Variants in RBMS3 observed in about 807,000 individuals in gnomAD.
RBMS3 encodes the protein RNA-binding motif, single-stranded-interacting protein 3.
A neutral mutation model predicts 66.8 loss-of-function variants in RBMS3; 27 were observed. The ratio of observed to expected loss-of-function variants is 0.40; its 90% CI spans 0.30 to 0.56. RBMS3 has a LOEUF of 0.56. Ranked by LOEUF, RBMS3 falls within the 20% of genes least tolerant of loss-of-function variation. The pLI is 0.40. For synonymous variants in RBMS3, 188 were observed against 183.0 expected (o/e 1.03, Z -0.22); for missense variants, 513 against 549.5 (o/e 0.93, Z 0.66).
chr3:29,683,370 T>C (rs1210472463), intron 4 of RBMS3, among the ~76,000 whole-genome samples: 12 of 152,188 alleles, frequency 7.9e-5, no homozygotes, highest in Admixed American at 7.2e-4. Context: ...AGTGTGAGTT[T>C]ATTTCACATA....
intron 10 of RBMS3, among the ~76,000 whole-genome samples, chr3:29,911,215 G>T (rs2060505009): frequency 6.6e-6 from 1 of 151,988 alleles, no homozygotes; most frequent in African/African-American, 2.4e-5. Flanking sequence ...AGGCAGGAAG[G>T]GTGCTCTGAG....
intron 3 of RBMS3, among the ~76,000 whole-genome samples, chr3:29,521,826 T>C (rs2044870590): frequency 6.6e-6 from 1 of 152,164 alleles, no homozygotes; most frequent in Admixed American, 6.5e-5. Context: ...ATAATTTGAA[T>C]CCAGAAAGCC....
At chr3:29,431,954 C>T (rs1224027046) in intron 1 of RBMS3, among the ~76,000 whole-genome samples, 2 of 151,960 alleles carry the variant, frequency 1.3e-5, no homozygotes, top group Admixed American at 6.6e-5. Flanking sequence ...TCTCGAGCTC[C>T]TGGGCTCAAG....
chr3:29,545,648 CCT>C (rs567272048), intron 3 of RBMS3, among the ~76,000 whole-genome samples: 108 of 152,282 alleles, frequency 7.1e-4, no homozygotes, highest in African/African-American at 2.5e-3. Flanking sequence ...AATTTAGGCT[CCT>C]CTCAGTTTGT....
At chr3:29,396,183 A>G (rs950950981) in intron 1 of RBMS3, among the ~76,000 whole-genome samples, 1 of 152,026 alleles carries the variant, frequency 6.6e-6, no homozygotes, top group Non-Finnish European at 1.5e-5. Context: ...AACATAACTT[A>G]TGTATGTTCC....
chr3:29,786,572 A>G (rs1428508040), intron 6 of RBMS3, among the ~76,000 whole-genome samples: 1 of 152,128 alleles, frequency 6.6e-6, no homozygotes, highest in Non-Finnish European at 1.5e-5. Flanking sequence ...TCAACAAAGC[A>G]ATGAAAACAT....
chr3:29,472,533 T>G (rs1575923395), intron 2 of RBMS3, among the ~76,000 whole-genome samples: 2 of 152,090 alleles, frequency 1.3e-5, no homozygotes, highest in East Asian at 3.9e-4. Context: ...TCGCTGTGAG[T>G]GTTACAACTC....
intron 3 of RBMS3, among the ~76,000 whole-genome samples, chr3:29,506,583 C>T (rs890687798): frequency 6.6e-6 from 1 of 151,982 alleles, no homozygotes; most frequent in Non-Finnish European, 1.5e-5. Flanking sequence ...CAGGAAAATG[C>T]TGGCCCTATA....
intron 3 of RBMS3, among the ~76,000 whole-genome samples, chr3:29,580,171 C>A (rs2047274987): frequency 6.6e-6 from 1 of 152,132 alleles, no homozygotes; most frequent in South Asian, 2.1e-4. Context: ...GGACCTATTC[C>A]TTTTCCCCAG....
intron 4 of RBMS3, among the ~76,000 whole-genome samples, chr3:29,723,907 T>C (rs2053748203): frequency 6.6e-6 from 1 of 152,144 alleles, no homozygotes; most frequent in Non-Finnish European, 1.5e-5. Context: ...TAGCATTTAT[T>C]TTATACTGTA....
chr3:29,849,161 A>C (rs1380034925), intron 6 of RBMS3, among the ~76,000 whole-genome samples: 2 of 137,644 alleles, frequency 1.5e-5, no homozygotes, highest in African/African-American at 5.6e-5. Flanking sequence ...CTCCCCCTCC[A>C]CCAAAGGAAT....
At chr3:29,630,999 A>C (rs1021936793) in intron 4 of RBMS3, among the ~76,000 whole-genome samples, 1 of 152,090 alleles carries the variant, frequency 6.6e-6, no homozygotes, top group East Asian at 1.9e-4. Flanking sequence ...ATTATTGGGC[A>C]GTAGAAAAAT....
intron 4 of RBMS3, among the ~76,000 whole-genome samples, chr3:29,676,677 C>A (rs938067081): frequency 6.6e-6 from 1 of 152,046 alleles, no homozygotes; most frequent in Non-Finnish European, 1.5e-5. Flanking sequence ...TCACAGTTTT[C>A]TAGATTTTGT....
chr3:30,004,003 C>A lies in RBMS3; in HGVS notation c.*141C>A. 1 of 616,078 alleles carries A rather than the reference C, an allele frequency of 1.6e-6. No homozygotes were observed. Among genetic ancestry groups the A allele is most frequent in the Non-Finnish European group, 2.4e-6 (1 of 411,166 alleles). 38.2% of individuals were successfully genotyped at this position (616,078 alleles called of 1,614,324 possible). On this transcript the variant is annotated 3_prime_UTR_variant, in exon 15 of 15. Transcript: ENST00000383767. ...TGTTGTTTTTTTTTTAGTGTTATACCTTACCCAATGAAAGCAAAGTTTTTA... is the reference window on the plus strand; with the variant it reads ...TGTTGTTTTTTTTTTAGTGTTATACATTACCCAATGAAAGCAAAGTTTTTA...
chr3:29,579,688 A>G (rs989662234), intron 3 of RBMS3, among the ~76,000 whole-genome samples: 1 of 152,208 alleles, frequency 6.6e-6, no homozygotes, highest in African/African-American at 2.4e-5. Context: ...CAGGACCAAC[A>G]GCTCAAACAA....
chr3:29,853,220 C>A (rs959966763), intron 6 of RBMS3, among the ~76,000 whole-genome samples: 1 of 151,892 alleles, frequency 6.6e-6, no homozygotes, highest in Non-Finnish European at 1.5e-5. Flanking sequence ...AGGCTTAATA[C>A]CTGGATGATG....
chr3:29,880,858 A>G, intron 7 of RBMS3: 3 of 1,513,904 alleles, frequency 2.0e-6, no homozygotes, highest in Middle Eastern at 1.7e-4. Flanking sequence ...TTTTGCAATG[A>G]AAATCTCACC....
intron 6 of RBMS3, among the ~76,000 whole-genome samples, chr3:29,785,194 C>A (rs1386753845): frequency 6.6e-6 from 1 of 151,888 alleles, no homozygotes; most frequent in Non-Finnish European, 1.5e-5. Flanking sequence ...AATACCAAAA[C>A]CAGGGAAGAA....
intron 3 of RBMS3, among the ~76,000 whole-genome samples, chr3:29,512,659 C>T (rs560773914): frequency 1.5e-4 from 23 of 152,226 alleles, no homozygotes; most frequent in African/African-American, 2.6e-4. Flanking sequence ...AAAATAAAAA[C>T]GAAATAACCC....
Sources: allele counts gnomAD v4.1 joint callset (sites outside exome capture counted in the v4.1 genomes callset), GRCh38; gene constraint gnomAD v4.1.1; transcripts MANE v1.5; gene names NCBI Gene and HGNC (gene_info 2026-07-23, HGNC 2026-07-21).